DIAPH3: variants seen among roughly 807,000 people sequenced by gnomAD.
DIAPH3 encodes the protein protein diaphanous homolog 3.
In DIAPH3, 117 loss-of-function variants were observed where a neutral mutation model predicts 144.3. That is an observed-to-expected ratio of 0.81 (90% confidence interval 0.70 to 0.95). The LOEUF (loss-of-function observed/expected upper bound fraction) is 0.95. DIAPH3 is among the 40% of genes least tolerant of loss of function. The probability of loss-of-function intolerance (pLI) is 0.00; values close to 1 mark genes in which losing one functional copy is unlikely to be tolerated. For synonymous variants in DIAPH3, 519 were observed against 488.9 expected (o/e 1.06, Z -0.81); for missense variants, 1,421 against 1,412.7 (o/e 1.01, Z -0.09).
rs1196813656 is a variant in DIAPH3 at position 60,099,944 on chromosome 13, G to C, written c.391-6212C>G. Among the ~76,000 whole-genome samples the C allele has an allele frequency of 9.3e-5, 14 of 150,666 alleles. 1 individual carries two copies. On this transcript the variant is annotated intron_variant, in intron 3 of 27. Coordinates refer to ENST00000400324, the MANE Select transcript of DIAPH3 (RefSeq NM_001042517.2). Reference sequence around the variant, plus strand: ...GGAAGGAAGGAAGGAAGGAAGGAAGGAAGGAAGGAAGGAAGGAAGGAAGGA... The same window carrying C: ...GGAAGGAAGGAAGGAAGGAAGGAAGCAAGGAAGGAAGGAAGGAAGGAAGGA...
chr13:59,807,600 GAAAAATGTT>G (rs147094180), intron 25 of DIAPH3, among the ~76,000 whole-genome samples: 4,545 of 151,986 alleles, frequency 0.03, 242 homozygotes, highest in African/African-American at 0.1. Flanking sequence ...GGGCACCCCT[GAAAAATGTT>G]AAAATGTATG....
At chr13:59,891,809 A>G (rs2045815427) in intron 20 of DIAPH3, among the ~76,000 whole-genome samples, 1 of 152,026 alleles carries the variant, frequency 6.6e-6, no homozygotes, top group African/African-American at 2.4e-5. Context: ...TCAAAAAAGC[A>G]TGGTTCATAG....
At chr13:59,879,604 G>A in intron 20 of DIAPH3, 136 bp from the exon 21 acceptor site, 2 of 1,266,168 alleles carry the variant, frequency 1.6e-6, no homozygotes, top group South Asian at 1.5e-5. Context: ...ACTGATAGCA[G>A]GAAGAGAGAA....
chr13:59,714,400 TG>T, intron 27 of DIAPH3, among the ~76,000 whole-genome samples: 1 of 145,724 alleles, frequency 6.9e-6, no homozygotes, highest in Non-Finnish European at 1.5e-5. Flanking sequence ...CTAGGCATGG[TG>T]GTACACACCT....
intron 22 of DIAPH3, among the ~76,000 whole-genome samples, chr13:59,858,854 C>T (rs1431912000): frequency 6.6e-6 from 1 of 152,000 alleles, no homozygotes; most frequent in Non-Finnish European, 1.5e-5. Context: ...AGAAGCAGTC[C>T]TAATGAAGTA....
chr13:60,031,749 T>A (rs2054814164), intron 5 of DIAPH3, among the ~76,000 whole-genome samples: 2 of 135,194 alleles, frequency 1.5e-5, no homozygotes, highest in South Asian at 2.6e-4. Context: ...TTTTTTTTTT[T>A]TTTTTTTTTT....
chr13:60,113,488 C>T (rs569633244), intron 2 of DIAPH3, among the ~76,000 whole-genome samples: 3 of 152,256 alleles, frequency 2.0e-5, no homozygotes, highest in Admixed American at 2.0e-4. Flanking sequence ...AGGAAAAATA[C>T]TATGTACTGC....
chr13:59,993,981 G>A (rs994158940), intron 9 of DIAPH3, among the ~76,000 whole-genome samples: 5 of 151,716 alleles, frequency 3.3e-5, no homozygotes, highest in African/African-American at 1.2e-4. Context: ...ACAGAAAGTA[G>A]CAAAAACAAG....
At chr13:60,070,349 C>T (rs1179700737) in intron 4 of DIAPH3, among the ~76,000 whole-genome samples, 1 of 149,840 alleles carries the variant, frequency 6.7e-6, no homozygotes. Flanking sequence ...GTATTGCTAG[C>T]AGCTCTTTGT....
At chr13:59,699,271 T>C (rs187172879) in intron 27 of DIAPH3, among the ~76,000 whole-genome samples, 2 of 152,280 alleles carry the variant, frequency 1.3e-5, no homozygotes, top group Non-Finnish European at 1.5e-5. Context: ...CAGAGATCTG[T>C]AGGAATAGAT....
Position 60,003,645 on chromosome 13 carries a change from C to A in DIAPH3, c.1014+4899G>T, listed in dbSNP as rs564211332. On this transcript the variant is annotated intron_variant, in intron 9 of 27. Transcript: ENST00000400324. ...CTGGAGTGCAGTGGCGCGATCTCGG[C>A]TCACTGCAAGCACCGCCTCCTGGGT... is the stretch of plus-strand genomic sequence containing the variant. Among the ~76,000 whole-genome samples, 8 of 151,938 alleles carry A rather than the reference C, an allele frequency of 5.3e-5. No homozygotes were observed. In the South Asian group the frequency reaches 8.3e-4, roughly 16 times the overall value.
chr13:59,866,703 A>G (rs966403675), intron 21 of DIAPH3, among the ~76,000 whole-genome samples: 2 of 152,128 alleles, frequency 1.3e-5, no homozygotes, highest in African/African-American at 2.4e-5. Flanking sequence ...AGAAAAAGGT[A>G]TCTATAAAGT....
chr13:59,904,108 A>G (rs2046602209), intron 20 of DIAPH3, among the ~76,000 whole-genome samples: 1 of 152,156 alleles, frequency 6.6e-6, no homozygotes, highest in Admixed American at 6.6e-5. Flanking sequence ...CAAAGGGGAA[A>G]GAAGGGAAAG....
At chr13:59,913,279 G>A (rs2047078937) in intron 19 of DIAPH3, among the ~76,000 whole-genome samples, 1 of 151,936 alleles carries the variant, frequency 6.6e-6, no homozygotes, top group East Asian at 1.9e-4. Flanking sequence ...TGATTTTTAA[G>A]TGCGTGGTTC....
chr13:60,139,783 T>C (rs2138298063), intron 1 of DIAPH3, among the ~76,000 whole-genome samples: 1 of 152,286 alleles, frequency 6.6e-6, no homozygotes, highest in African/African-American at 2.4e-5. Context: ...TCATTCAATG[T>C]TGGGGTAAAA....
At chr13:59,878,592 GCT>G (rs1207949911) in intron 21 of DIAPH3, among the ~76,000 whole-genome samples, 1 of 151,900 alleles carries the variant, frequency 6.6e-6, no homozygotes, top group Non-Finnish European at 1.5e-5. Flanking sequence ...TCAGGAAAGA[GCT>G]CTGTTTTATA....
intron 22 of DIAPH3, 83 bp from the exon 23 acceptor site, chr13:59,839,531 T>C: frequency 7.9e-7 from 1 of 1,268,938 alleles, no homozygotes; most frequent in Non-Finnish European, 1.1e-6. Flanking sequence ...AAAACATTCA[T>C]GAAAACAACT....
rs74566230 is a variant in DIAPH3, at chr13:60,087,867, G to C, written c.495+5761C>G. Among the ~76,000 whole-genome samples, 6 of 152,052 alleles carry C rather than the reference G, an allele frequency of 3.9e-5. No homozygotes were observed. In the East Asian group the frequency reaches 9.6e-4, roughly 24 times the overall value. On this transcript the variant is annotated intron_variant, in intron 4 of 27. Coordinates refer to ENST00000400324, the MANE Select transcript of DIAPH3 (RefSeq NM_001042517.2). ...AGAAATGTGGGATGGGCTATCCTTC[G>C]ATATCAGCTCACCTAAACTGGGCAT...
chr13:59,944,998 T>C (rs143846590), intron 17 of DIAPH3, among the ~76,000 whole-genome samples: 171 of 152,072 alleles, frequency 1.1e-3, no homozygotes, highest in African/African-American at 3.9e-3. Context: ...AAGCTAGGGG[T>C]ATTTCAATAT....
Sources: allele counts gnomAD v4.1 joint callset (sites outside exome capture counted in the v4.1 genomes callset), GRCh38; gene constraint gnomAD v4.1.1; transcripts MANE v1.5; gene names NCBI Gene and HGNC (gene_info 2026-07-23, HGNC 2026-07-21).